The following GRM8 variants were observed in gnomAD, a reference collection of about 807,000 sequenced individuals.
The protein encoded by GRM8 is metabotropic glutamate receptor 8.
Under a neutral mutation model 87.2 loss-of-function variants are expected in GRM8, and 47 were observed. The ratio of observed to expected loss-of-function variants is 0.54; its 90% CI spans 0.43 to 0.69. GRM8 has a LOEUF of 0.69. GRM8 is among the 30% of genes least tolerant of loss of function. The pLI, the probability that GRM8 is intolerant of heterozygous loss-of-function variation, is 0.00. For synonymous variants in GRM8, 396 were observed against 404.5 expected (o/e 0.98, Z 0.25); for missense variants, 1,019 against 1,139.2 (o/e 0.89, Z 1.52).
chr7:126,720,946 T>C (rs2151452824), intron 7 of GRM8, among the ~76,000 whole-genome samples: 1 of 152,324 alleles, frequency 6.6e-6, no homozygotes, highest in South Asian at 2.1e-4. Flanking sequence ...TCCTTCACTT[T>C]TTCCCTCTAG....
chr7:126,873,378 C>T (rs1046790511), intron 6 of GRM8, among the ~76,000 whole-genome samples: 9 of 151,990 alleles, frequency 5.9e-5, no homozygotes, highest in South Asian at 4.1e-4. Context: ...AAGGAAAAAA[C>T]GGTTGATGCT....
chr7:126,449,170 C>T (rs901491241), intron 9 of GRM8, among the ~76,000 whole-genome samples: 17 of 151,854 alleles, frequency 1.1e-4, no homozygotes, highest in African/African-American at 4.1e-4. Flanking sequence ...CACTTAAATA[C>T]ATTTTTTTAA....
At chr7:127,077,121 T>A (rs1241820786) in intron 3 of GRM8, among the ~76,000 whole-genome samples, 1 of 152,132 alleles carries the variant, frequency 6.6e-6, no homozygotes, top group Non-Finnish European at 1.5e-5. Context: ...CAATGGAGTG[T>A]GTGTGCAGAT....
At chr7:126,626,905 C>T (rs761528665) in intron 7 of GRM8, among the ~76,000 whole-genome samples, 2 of 152,106 alleles carry the variant, frequency 1.3e-5, no homozygotes, top group African/African-American at 4.8e-5. Flanking sequence ...CCATGAACAA[C>T]ACTGTATAGA....
intron 7 of GRM8, among the ~76,000 whole-genome samples, chr7:126,690,221 G>T (rs987248944): frequency 6.6e-6 from 1 of 152,236 alleles, no homozygotes; most frequent in South Asian, 2.1e-4. Context: ...CACTCGGCCT[G>T]GCAGGCTGCG....
At chr7:126,452,965 T>C (rs957543508) in intron 9 of GRM8, among the ~76,000 whole-genome samples, 2 of 151,604 alleles carry the variant, frequency 1.3e-5, no homozygotes, top group African/African-American at 4.8e-5. Flanking sequence ...TATTTAACCT[T>C]GACAACCTGT....
intron 3 of GRM8, among the ~76,000 whole-genome samples, chr7:127,088,545 T>C (rs1823732039): frequency 6.6e-6 from 1 of 152,228 alleles, no homozygotes; most frequent in Non-Finnish European, 1.5e-5. Context: ...CTACTGTAAC[T>C]GAATTTAACA....
chr7:126,519,659 C>T lies in GRM8; in HGVS notation c.2430+13293G>A, dbSNP rs1212015605. 5.3e-5 allele frequency among the ~76,000 whole-genome samples: 8 copies of T among 152,042 alleles called. No individual in the cohort carries two copies. The East Asian group carries it at 9.6e-4, about 18-fold the overall frequency. ...TAACTATAAAAGAAGTGGCAGTCTA[C>T]GGCCATACCACCCTGAACGTGCCTG... On this transcript the variant is annotated intron_variant, in intron 9 of 10. Transcript: ENST00000339582.
chr7:126,740,218 C>T (rs1814787331), intron 7 of GRM8, among the ~76,000 whole-genome samples: 1 of 152,010 alleles, frequency 6.6e-6, no homozygotes, highest in Admixed American at 6.6e-5. Flanking sequence ...TTACCTAGCT[C>T]CTGAACAATA....
chr7:126,737,423 C>A (rs1049383576), intron 7 of GRM8, among the ~76,000 whole-genome samples: 3 of 151,930 alleles, frequency 2.0e-5, no homozygotes, highest in African/African-American at 7.2e-5. Context: ...AACTCTGATC[C>A]CCGAATGCTC....
At chr7:127,196,518 A>AAAAC (rs1017055882) in intron 2 of GRM8, among the ~76,000 whole-genome samples, 1 of 145,354 alleles carries the variant, frequency 6.9e-6, no homozygotes, top group Non-Finnish European at 1.5e-5. Context: ...CTCCATCTCA[A>AAAAC]AAACAAACAA....
chr7:126,745,553 C>A (rs1463819479), intron 7 of GRM8, among the ~76,000 whole-genome samples: 2 of 151,528 alleles, frequency 1.3e-5, no homozygotes, highest in African/African-American at 4.8e-5. Context: ...TCAATCGCAT[C>A]TGCTCAATTA....
chr7:126,827,300 C>A (rs1180114349), intron 6 of GRM8, among the ~76,000 whole-genome samples: 1 of 152,124 alleles, frequency 6.6e-6, no homozygotes, highest in Non-Finnish European at 1.5e-5. Flanking sequence ...TGTAAATTAC[C>A]TTGGGCAGTA....
chr7:127,217,003 C>G (rs1459796614), intron 2 of GRM8, among the ~76,000 whole-genome samples: 1 of 152,182 alleles, frequency 6.6e-6, no homozygotes, highest in Admixed American at 6.5e-5. Flanking sequence ...ATATCAGTAT[C>G]TTAAATTATC....
At chr7:126,854,280 T>C (rs1427772193) in intron 6 of GRM8, among the ~76,000 whole-genome samples, 1 of 152,196 alleles carries the variant, frequency 6.6e-6, no homozygotes, top group Non-Finnish European at 1.5e-5. Flanking sequence ...TTAGATTACA[T>C]CAACCTAGCT....
chr7:126,448,654 G>T (rs1368655105), intron 9 of GRM8, among the ~76,000 whole-genome samples: 1 of 151,838 alleles, frequency 6.6e-6, no homozygotes, highest in Non-Finnish European at 1.5e-5. Context: ...TTCATTGGAC[G>T]CTATACTTTC....
rs117862184 is a variant in GRM8 at position 126,978,474 on chromosome 7, A to G, written c.728-73791T>C. 1.3e-3 allele frequency among the ~76,000 whole-genome samples: 192 copies of G among 152,322 alleles called. 2 individuals are homozygous for G. The South Asian group carries it at 0.019, about 15-fold the overall frequency. ...AATATCCTAATAACTTCACTGGGAA[A>G]AAGAATTAGAGGTGTTGTGTTTGAC... On this transcript the variant is annotated intron_variant, in intron 3 of 10. Coordinates refer to ENST00000339582, the MANE Select transcript of GRM8 (RefSeq NM_000845.3).
chr7:126,630,380 TAATA>T (rs1801139761), intron 7 of GRM8, among the ~76,000 whole-genome samples: 1 of 152,124 alleles, frequency 6.6e-6, no homozygotes, highest in Non-Finnish European at 1.5e-5. Flanking sequence ...ACTGAGGCAG[TAATA>T]AATAGGCTAC....
At chr7:127,244,481 C>G (rs1369976422) in intron 1 of GRM8, among the ~76,000 whole-genome samples, 1 of 134,144 alleles carries the variant, frequency 7.5e-6, no homozygotes, top group Admixed American at 7.5e-5. Context: ...AGAGATGTGA[C>G]TGAAAATGAG....
Sources: allele counts gnomAD v4.1 joint callset (sites outside exome capture counted in the v4.1 genomes callset), GRCh38; gene constraint gnomAD v4.1.1; transcripts MANE v1.5; gene names NCBI Gene and HGNC (gene_info 2026-07-23, HGNC 2026-07-21).